Variants in ADAMTS14 observed in about 807,000 individuals in gnomAD.
The protein encoded by ADAMTS14 is ADAM metallopeptidase with thrombospondin type 1 motif 14, also known as A disintegrin and metalloproteinase with thrombospondin motifs 14.
ADAMTS14 carries 100 observed loss-of-function variants against 128.6 expected under a neutral mutation model. That is an observed-to-expected ratio of 0.78 (90% CI 0.66 to 0.92). The LOEUF (loss-of-function observed/expected upper bound fraction) is 0.92. Ranked by LOEUF, ADAMTS14 falls within the 40% of genes least tolerant of loss-of-function variation. The probability of loss-of-function intolerance (pLI) is 0.00; values close to 1 mark genes in which losing one functional copy is unlikely to be tolerated. For missense variants in ADAMTS14, 1,562 were observed against 1,658.6 expected (o/e 0.94, Z 1.01); for synonymous variants, 665 against 653.8 (o/e 1.02, Z -0.26).
chr10:70,760,412 T>A lies in ADAMTS14; in HGVS notation c.3231T>A (p.Asp1077Glu), dbSNP rs1372385129. The A allele has an allele frequency of 1.2e-6, 2 of 1,609,062 alleles. No individual in the cohort carries two copies. The highest frequency in any genetic ancestry group is 2.2e-5 in the East Asian group (1 of 44,804). Residue 1077 changes from aspartate (D) to glutamate (E), a missense_variant, in exon 22 of 22, where the codon GAT becomes GAA. By Grantham distance (45) the Asp-to-Glu change is conservative. Transcript: ENST00000373207. ...TCTTCTGCCAGATGGAAGTGCTCGA[T>A]CGCTACTGCTCCATTCCCGGCTACC... ...RSVFCQMEVL[D>E]RYCSIPGYHR...
intron 2 of ADAMTS14, among the ~76,000 whole-genome samples, chr10:70,676,046 G>T (rs1381617639): frequency 6.6e-6 from 1 of 152,090 alleles, no homozygotes; most frequent in Non-Finnish European, 1.5e-5. Flanking sequence ...CTCTGTCTAG[G>T]CCAGTGCTTT....
At chr10:70,702,198 C>A in intron 2 of ADAMTS14, 114 bp from the exon 3 acceptor site, 1 of 1,455,326 alleles carries the variant, frequency 6.9e-7, no homozygotes, top group Non-Finnish European at 9.3e-7. Flanking sequence ...GGAGGAAGAG[C>A]CTGCAAGCAT....
intron 2 of ADAMTS14, among the ~76,000 whole-genome samples, chr10:70,696,405 C>T (rs932742931): frequency 3.3e-5 from 5 of 151,464 alleles, no homozygotes; most frequent in Non-Finnish European, 5.9e-5. Flanking sequence ...GGACACAGAC[C>T]GTTAAGCTGT....
intron 12 of ADAMTS14, 91 bp from the exon 13 acceptor site, chr10:70,743,457 C>G (rs1034113329): frequency 6.8e-7 from 1 of 1,462,144 alleles, no homozygotes; most frequent in Non-Finnish European, 9.1e-7. Context: ...GAGCTGGCCC[C>G]GGAGCTTTCT....
chr10:70,749,967 T>G lies in ADAMTS14; in HGVS notation c.2409T>G (p.Pro803=). Residue 803 remains proline, a synonymous_variant, in exon 16 of 22, where the codon CCT becomes CCG. Transcript: ENST00000373207. ...KESLKTSGPL[P]EAIAILALPP... is the part of the protein sequence containing the mutation. ...GCCTCAAGACCAGCGGGCCCCTGCC[T>G]GAAGCCATTGCCATCCTGGTGAGCC... The G allele has an allele frequency of 6.2e-7, 1 of 1,613,994 alleles. No individual in the cohort carries two copies.
intron 15 of ADAMTS14, among the ~76,000 whole-genome samples, chr10:70,747,579 C>A (rs1398872249): frequency 6.6e-6 from 1 of 152,192 alleles, no homozygotes; most frequent in Non-Finnish European, 1.5e-5. Context: ...CATTAGCAGC[C>A]CCTTCCACCC....
At chr10:70,725,693 C>T (rs1208339217) in intron 4 of ADAMTS14, among the ~76,000 whole-genome samples, 1 of 152,190 alleles carries the variant, frequency 6.6e-6, no homozygotes, top group Non-Finnish European at 1.5e-5. Flanking sequence ...ATACCATTCC[C>T]TTGGGAGTTG....
chr10:70,681,694 C>T (rs983514728), intron 2 of ADAMTS14, among the ~76,000 whole-genome samples: 3 of 152,308 alleles, frequency 2.0e-5, no homozygotes, highest in South Asian at 2.1e-4. Flanking sequence ...TGGGAAGCTG[C>T]GGGTCGGCTC....
chr10:70,714,483 G>T (rs545375083), intron 4 of ADAMTS14, among the ~76,000 whole-genome samples: 1 of 152,338 alleles, frequency 6.6e-6, no homozygotes, highest in Admixed American at 6.5e-5. Context: ...GCTGTCCGTG[G>T]CTGGTGACCC....
rs1421891626 is a variant in ADAMTS14, at chr10:70,674,685, A to G, written c.212A>G (p.Asp71Gly). 6.2e-7 allele frequency: 1 copy of G among 1,613,356 alleles called. No homozygotes were observed. The highest frequency in any genetic ancestry group is 1.3e-5 in the African/African-American group (1 of 74,916). The change falls in exon 2 of 22, where the codon GAC (aspartate) becomes GGC (glycine). Residue 71 changes from aspartate (D) to glycine (G), a missense_variant. Asp to Gly is a moderately conservative substitution (Grantham distance 94). Coordinates refer to ENST00000373207, the MANE Select transcript of ADAMTS14 (RefSeq NM_080722.4). ...AAASAGSMVV[D>G]TPPTLPRHSS... ...GCCTCTGCAGGGAGCATGGTAGTGG[A>G]CACGCCACCCACACTACCACGACAC...
intron 2 of ADAMTS14, among the ~76,000 whole-genome samples, chr10:70,687,150 T>C (rs1839992472): frequency 1.0e-5 from 1 of 96,652 alleles, no homozygotes; most frequent in African/African-American, 3.7e-5. Context: ...GAGGCGCCCC[T>C]CACCTCCCGG....
intron 4 of ADAMTS14, among the ~76,000 whole-genome samples, chr10:70,711,966 T>C (rs1840875843): frequency 6.6e-6 from 1 of 151,996 alleles, no homozygotes; most frequent in South Asian, 2.1e-4. Flanking sequence ...GCCGCCCCTG[T>C]GTGTGGACAC....
intron 15 of ADAMTS14, among the ~76,000 whole-genome samples, chr10:70,746,796 T>C (rs1842192740): frequency 6.6e-6 from 1 of 150,860 alleles, no homozygotes; most frequent in African/African-American, 2.4e-5. Context: ...ATGTGAATTA[T>C]ATCTCGGTTC....
intron 19 of ADAMTS14, among the ~76,000 whole-genome samples, chr10:70,757,004 C>T (rs1213242257): frequency 1.3e-5 from 2 of 151,928 alleles, no homozygotes; most frequent in South Asian, 4.2e-4. Context: ...TCTCGTAGTT[C>T]TGTGTGGCCC....
At position 70,749,253 on chromosome 10, in the gene ADAMTS14, C is replaced by T. The variant is rs555567002; in HGVS notation, c.2264-569C>T. ...TGAACTCTTCTCGTTGTCCTGAGAG[C>T]CTCAGTCGTGGGGCGCGGGGATTTC... On this transcript the variant is annotated intron_variant, in intron 15 of 21. Transcript: ENST00000373207. Among the ~76,000 whole-genome samples the T allele has an allele frequency of 1.2e-4, 19 of 152,340 alleles. No individual in the cohort carries two copies. The South Asian group carries it at 2.1e-3, about 17-fold the overall frequency.
rs1168815740 is a variant in ADAMTS14, at chr10:70,708,646, C to T, written c.738C>T (p.Asp246=). 2 of 1,613,340 alleles carry T rather than the reference C, an allele frequency of 1.2e-6. No homozygotes were observed. The highest frequency in any genetic ancestry group is 1.7e-6 in the Non-Finnish European group (2 of 1,179,482). The change falls in exon 4 of 22, where the codon GAC becomes GAT. Residue 246 remains aspartate, a synonymous_variant. Transcript: ENST00000373207. ...GCCTGGTGGGGGACCAGCTGGGCGA[C>T]ACAGAGCGGAAGCGGCGGCATGCCA... is the stretch of plus-strand genomic sequence containing the variant. ...LLGLVGDQLG[D]TERKRRHAKP... is the part of the protein sequence containing the mutation.
At chr10:70,716,743 G>C (rs1158179276) in intron 4 of ADAMTS14, among the ~76,000 whole-genome samples, 6 of 152,182 alleles carry the variant, frequency 3.9e-5, no homozygotes, top group East Asian at 1.9e-4. Flanking sequence ...GAGGAGATCT[G>C]GTTCCTGGGA....
chr10:70,696,170 G>A (rs535974700), intron 2 of ADAMTS14, among the ~76,000 whole-genome samples: 1 of 152,290 alleles, frequency 6.6e-6, no homozygotes, highest in South Asian at 2.1e-4. Context: ...GTAGAAAGGA[G>A]AGTGTGATGA....
intron 14 of ADAMTS14, among the ~76,000 whole-genome samples, chr10:70,744,459 C>T (rs1388338307): frequency 2.0e-5 from 3 of 152,186 alleles, no homozygotes; most frequent in Non-Finnish European, 2.9e-5. Flanking sequence ...GATGGGAGCT[C>T]GGCCATCCCT....
Sources: gnomAD v4.1 joint callset for allele counts (sites outside exome capture counted in the v4.1 genomes callset) on GRCh38, gnomAD v4.1.1 for gene constraint, MANE v1.5 for transcripts, NCBI Gene and HGNC (gene_info 2026-07-23, HGNC 2026-07-21) for gene names.